The following MAGED1 variants were observed in gnomAD, a reference collection of about 807,000 sequenced individuals.
MAGED1 encodes MAGE family member D1.
Under a neutral mutation model 54.1 loss-of-function variants are expected in MAGED1, and 3 were observed. That is an observed-to-expected ratio of 0.06 (90% CI 0.03 to 0.14). The LOEUF (loss-of-function observed/expected upper bound fraction) is 0.14. Among genes scored for constraint, MAGED1 ranks in the 10% least tolerant of loss-of-function variants. The pLI is 1.00. For missense variants in MAGED1, 485 were observed against 623.4 expected (o/e 0.78, Z 2.36); for synonymous variants, 217 against 227.3 (o/e 0.95, Z 0.41).
intron 1 of MAGED1, among the ~76,000 whole-genome samples, chrX:51,864,438 C>T (rs922541494): frequency 8.1e-5 from 9 of 111,212 alleles, no homozygotes; most frequent in Admixed American, 7.7e-4. Flanking sequence ...AGCTTTGTAA[C>T]GTAATGTGAA....
intron 1 of MAGED1, among the ~76,000 whole-genome samples, chrX:51,815,012 G>A (rs1163838888): frequency 2.0e-5 from 2 of 101,199 alleles, no homozygotes; most frequent in Non-Finnish European, 4.0e-5. Flanking sequence ...GCGTGGTGAC[G>A]CACGCCTGTG....
chrX:51,847,735 C>T (rs143719808), intron 1 of MAGED1, among the ~76,000 whole-genome samples: 17 of 111,732 alleles, frequency 1.5e-4, no homozygotes, highest in African/African-American at 4.5e-4. Flanking sequence ...GGAGATTCTC[C>T]GGGGGACCCT....
intron 2 of MAGED1, 182 bp from the exon 3 acceptor site, chrX:51,894,871 T>C (rs980132033): frequency 2.2e-5 from 23 of 1,035,925 alleles, no homozygotes; most frequent in Non-Finnish European, 3.0e-5. Context: ...ACATGTTTAG[T>C]ACCCGCCTGG....
intron 1 of MAGED1, among the ~76,000 whole-genome samples, chrX:51,830,925 G>A (rs1557357392): frequency 8.9e-6 from 1 of 111,963 alleles, no homozygotes; most frequent in South Asian, 3.7e-4. Context: ...GCAGTGGCAC[G>A]ATCTCAGCTC....
At chrX:51,822,235 GTTTC>G (rs1193329246) in intron 1 of MAGED1, among the ~76,000 whole-genome samples, 2 of 111,716 alleles carry the variant, frequency 1.8e-5, no homozygotes, top group Non-Finnish European at 3.8e-5. Flanking sequence ...CTTGTTATAG[GTTTC>G]TTTATCTTAT....
At chrX:51,856,933 T>G (rs782763827) in intron 1 of MAGED1, 2 of 111,529 alleles carry the variant, frequency 1.8e-5, no homozygotes, top group Non-Finnish European at 3.8e-5. Flanking sequence ...AGAGATATGA[T>G]TCACATGACC....
chrX:51,884,180 C>T (rs1254661806), intron 1 of MAGED1, among the ~76,000 whole-genome samples: 1 of 110,447 alleles, frequency 9.1e-6, no homozygotes, highest in Non-Finnish European at 1.9e-5. Flanking sequence ...GCTGAGCAAC[C>T]CCCCAAGAAG....
intron 1 of MAGED1, among the ~76,000 whole-genome samples, chrX:51,839,928 G>A (rs1377197504): frequency 8.9e-6 from 1 of 112,119 alleles, no homozygotes; most frequent in Non-Finnish European, 1.9e-5. Flanking sequence ...ATGTGGTCCA[G>A]GGAGCCCTGG....
At chrX:51,814,851 C>A (rs1478357728) in intron 1 of MAGED1, among the ~76,000 whole-genome samples, 3 of 108,382 alleles carry the variant, frequency 2.8e-5, no homozygotes, top group Non-Finnish European at 3.8e-5. Flanking sequence ...AAAAAAACAG[C>A]TAGGTGTGGT....
chrX:51,824,803 C>T (rs937578275), intron 1 of MAGED1, among the ~76,000 whole-genome samples: 8 of 73,845 alleles, frequency 1.1e-4, no homozygotes, highest in African/African-American at 3.3e-4. Flanking sequence ...CGTATATATA[C>T]GTACATATAT....
chrX:51,849,661 G>A (rs1354384013), intron 1 of MAGED1, among the ~76,000 whole-genome samples: 2 of 111,303 alleles, frequency 1.8e-5, no homozygotes, highest in Non-Finnish European at 3.8e-5. Context: ...GTATAGGAAT[G>A]CTTGATTCTG....
chrX:51,893,125 C>T (rs1447612571), upstream of MAGED1, among the ~76,000 whole-genome samples: 1 of 110,597 alleles, frequency 9.0e-6, no homozygotes, highest in Non-Finnish European at 1.9e-5. Context: ...CAGCCACAGA[C>T]TTACTACTAC....
chrX:51,814,640 A>G (rs1925349041), intron 1 of MAGED1, among the ~76,000 whole-genome samples: 1 of 111,493 alleles, frequency 9.0e-6, no homozygotes, highest in African/African-American at 3.3e-5. Flanking sequence ...GACAGATCAC[A>G]TATGAGGACG....
At chrX:51,897,395 G>C (rs782426040) in intron 5 of MAGED1, 124 bp downstream of exon 5, 7 of 785,186 alleles carry the variant, frequency 8.9e-6, no homozygotes, top group Non-Finnish European at 1.3e-5. Context: ...TCTTCTGCTT[G>C]TATGACCCTT....
chrX:51,843,013 C>T (rs1054411841), intron 1 of MAGED1, among the ~76,000 whole-genome samples: 5 of 112,189 alleles, frequency 4.5e-5, no homozygotes, highest in African/African-American at 1.6e-4. Flanking sequence ...CATTATTAAA[C>T]ATGCTTGAAG....
At chrX:51,815,498 AG>A (rs1925383563) in intron 1 of MAGED1, among the ~76,000 whole-genome samples, 1 of 111,477 alleles carries the variant, frequency 9.0e-6, no homozygotes, top group Admixed American at 9.5e-5. Context: ...AATAATATAA[AG>A]AAAGTATTTC....
chrX:51,879,040 G>A (rs1020916059), intron 1 of MAGED1, among the ~76,000 whole-genome samples: 2 of 111,281 alleles, frequency 1.8e-5, no homozygotes, highest in Admixed American at 1.9e-4. Context: ...TTTATTATTT[G>A]CATGTAATAA....
chrX:51,876,385 A>C (rs1279035691), intron 1 of MAGED1, among the ~76,000 whole-genome samples: 2 of 110,817 alleles, frequency 1.8e-5, no homozygotes, highest in African/African-American at 6.6e-5. Context: ...AACCTGAGTA[A>C]TCATGAGAAA....
chrX:51,804,676 G>A (rs1402954994), intron 1 of MAGED1, among the ~76,000 whole-genome samples: 1 of 110,621 alleles, frequency 9.0e-6, no homozygotes, highest in East Asian at 2.8e-4. Flanking sequence ...TGGCACTGGT[G>A]TTAAATGAAC....
Sources: allele counts gnomAD v4.1 joint callset (sites outside exome capture counted in the v4.1 genomes callset), GRCh38; gene constraint gnomAD v4.1.1; transcripts MANE v1.5; gene names NCBI Gene and HGNC (gene_info 2026-07-23, HGNC 2026-07-21).